Variants in MCU observed in about 807,000 individuals in gnomAD.
MCU encodes the protein mitochondrial calcium uniporter, also known as calcium uniporter protein, mitochondrial.
MCU carries 12 observed loss-of-function variants against 45.2 expected under a neutral mutation model. That is an observed-to-expected ratio of 0.27 (90% CI 0.17 to 0.43). The LOEUF is 0.43. Ranked by LOEUF, MCU falls within the 20% of genes least tolerant of loss-of-function variation. The pLI is 1.00. For missense variants in MCU, 324 were observed against 436.7 expected (o/e 0.74, Z 2.30); for synonymous variants, 160 against 165.1 (o/e 0.97, Z 0.24).
intron 1 of MCU, among the ~76,000 whole-genome samples, chr10:72,805,101 CTCTTTCTTTCTT>C (rs1161181455): frequency 0.011 from 1,098 of 103,424 alleles, 11 homozygotes; most frequent in African/African-American, 0.024. Flanking sequence ...TTCTTTCTTT[CTCTTTCTTTCTT>C]TCTTTCTTTC....
At chr10:72,816,279 T>A (rs919531174) in intron 1 of MCU, among the ~76,000 whole-genome samples, 3 of 152,196 alleles carry the variant, frequency 2.0e-5, no homozygotes, top group African/African-American at 7.2e-5. Flanking sequence ...TCTTCAGCTA[T>A]TTCAGTGAAA....
At chr10:72,799,868 T>G (rs780431838) in intron 1 of MCU, among the ~76,000 whole-genome samples, 1 of 152,210 alleles carries the variant, frequency 6.6e-6, no homozygotes, top group Non-Finnish European at 1.5e-5. Context: ...TAAGTAATAA[T>G]ACATTGCTTT....
intron 6 of MCU, among the ~76,000 whole-genome samples, chr10:72,875,434 A>G (rs1564581637): frequency 6.6e-6 from 1 of 152,180 alleles, no homozygotes; most frequent in African/African-American, 2.4e-5. Context: ...GTGATTACCA[A>G]AATAGTCTTG....
chr10:72,860,942 A>G (rs1393451954), intron 4 of MCU, among the ~76,000 whole-genome samples: 1 of 152,180 alleles, frequency 6.6e-6, no homozygotes, highest in East Asian at 1.9e-4. Flanking sequence ...TTATGGCTCA[A>G]GGTCAGCAAT....
chr10:72,712,123 A>G (rs572692923), intron 1 of MCU, among the ~76,000 whole-genome samples: 46 of 152,044 alleles, frequency 3.0e-4, no homozygotes, highest in African/African-American at 1.1e-3. Context: ...TTCTGTCTCT[A>G]TTTCATATAT....
At chr10:72,826,406 T>A (rs547999519) in intron 1 of MCU, among the ~76,000 whole-genome samples, 19 of 152,354 alleles carry the variant, frequency 1.2e-4, no homozygotes, top group African/African-American at 4.1e-4. Flanking sequence ...AAAATATTTT[T>A]AAAAGTGCTT....
chr10:72,804,411 A>G (rs755361382), intron 1 of MCU, among the ~76,000 whole-genome samples: 7 of 152,096 alleles, frequency 4.6e-5, no homozygotes, highest in Admixed American at 2.6e-4. Flanking sequence ...TTTAAAGTCA[A>G]CAAATGGCTC....
chr10:72,756,426 T>G (rs1457475053), intron 1 of MCU: 1 of 152,232 alleles, frequency 6.6e-6, no homozygotes, highest in Non-Finnish European at 1.5e-5. Flanking sequence ...TGCTCTAGGT[T>G]ATAGCCACTA....
intron 6 of MCU, among the ~76,000 whole-genome samples, chr10:72,880,117 A>C (rs1167131830): frequency 1.3e-5 from 2 of 152,264 alleles, no homozygotes; most frequent in Non-Finnish European, 2.9e-5. Context: ...AAATAGACTT[A>C]AAATGTTCTA....
chr10:72,871,703 A>T (rs796505532), intron 6 of MCU, 123 bp downstream of exon 6: 4 of 740,296 alleles, frequency 5.4e-6, no homozygotes, highest in Non-Finnish European at 9.0e-6. Flanking sequence ...ACACATACAC[A>T]CACATGTGCC....
intron 5 of MCU, among the ~76,000 whole-genome samples, chr10:72,869,439 G>T (rs935681785): frequency 6.6e-6 from 1 of 152,210 alleles, no homozygotes; most frequent in Non-Finnish European, 1.5e-5. Flanking sequence ...ATAAAAATTA[G>T]CCGGGCATTG....
chr10:72,730,051 C>G lies in MCU; in HGVS notation c.150+37750C>G, dbSNP rs541554808. Reference sequence around the variant, plus strand: ...TTGGCTCACTGTTAACCTCTGCCTCCGGAGTTCAAGCAATTCTCCTGCCTC... The same window carrying G: ...TTGGCTCACTGTTAACCTCTGCCTCGGGAGTTCAAGCAATTCTCCTGCCTC... On this transcript the variant is annotated intron_variant, in intron 1 of 7. Coordinates refer to ENST00000373053, the MANE Select transcript of MCU (RefSeq NM_138357.3). Among the ~76,000 whole-genome samples, 170 of 149,832 alleles carry G rather than the reference C, an allele frequency of 1.1e-3. 2 individuals are homozygous for G. Among genetic ancestry groups the G allele is most frequent in the Middle Eastern group, 6.8e-3 (2 of 292 alleles).
chr10:72,882,322 G>A (rs942774226), intron 6 of MCU, among the ~76,000 whole-genome samples: 1 of 152,178 alleles, frequency 6.6e-6, no homozygotes, highest in Non-Finnish European at 1.5e-5. Context: ...AACAGCAATT[G>A]TTCAGGGAAT....
chr10:72,865,763 G>GTTTTTTTT (rs111556239), intron 4 of MCU, among the ~76,000 whole-genome samples: 1 of 125,318 alleles, frequency 8.0e-6, no homozygotes, highest in African/African-American at 3.0e-5. Context: ...GTGTGGTTTT[G>GTTTTTTTT]TTTTTTTTTT....
At chr10:72,812,139 C>A (rs1844553596) in intron 1 of MCU, among the ~76,000 whole-genome samples, 1 of 150,000 alleles carries the variant, frequency 6.7e-6, no homozygotes, top group African/African-American at 2.5e-5. Context: ...TTCAAGGTTT[C>A]TTTTCTTTTT....
At chr10:72,800,650 A>C (rs528919704) in intron 1 of MCU, among the ~76,000 whole-genome samples, 1 of 152,366 alleles carries the variant, frequency 6.6e-6, no homozygotes, top group Non-Finnish European at 1.5e-5. Flanking sequence ...CACTGATAAC[A>C]AAAGCAAACA....
intron 1 of MCU, among the ~76,000 whole-genome samples, chr10:72,706,132 TAATA>T (rs1157246399): frequency 6.6e-6 from 1 of 152,154 alleles, no homozygotes. Context: ...ATTTTTATAA[TAATA>T]TATAAGTTGA....
At chr10:72,880,437 A>C (rs539384209) in intron 6 of MCU, among the ~76,000 whole-genome samples, 7 of 151,204 alleles carry the variant, frequency 4.6e-5, no homozygotes, top group African/African-American at 1.5e-4. Context: ...GCACCTTAAA[A>C]TTACTTTTAA....
chr10:72,758,153 G>A (rs1003959092), intron 1 of MCU, among the ~76,000 whole-genome samples: 5 of 152,180 alleles, frequency 3.3e-5, no homozygotes, highest in African/African-American at 4.8e-5. Flanking sequence ...TAGAAAAGCA[G>A]GAGAGGAGGA....
Sources: allele counts gnomAD v4.1 joint callset (sites outside exome capture counted in the v4.1 genomes callset), GRCh38; gene constraint gnomAD v4.1.1; transcripts MANE v1.5; gene names NCBI Gene and HGNC (gene_info 2026-07-23, HGNC 2026-07-21).